Variants in TTC39B observed in about 807,000 individuals in gnomAD.
TTC39B encodes tetratricopeptide repeat protein 39B.
A neutral mutation model predicts 96.6 loss-of-function variants in TTC39B; 92 were observed. That is an observed-to-expected ratio of 0.95 (90% CI 0.80 to 1.13). The LOEUF is 1.13. TTC39B is among the 50% of genes most tolerant of loss of function. The pLI is 0.00. For synonymous variants in TTC39B, 367 were observed against 299.4 expected, an observed-to-expected ratio of 1.23 and a Z score of -2.33; for missense variants, 955 against 809.3, an observed-to-expected ratio of 1.18 and a Z score of -2.18.
chr9:15,287,877 C>T (rs1195384183), intron 1 of TTC39B, among the ~76,000 whole-genome samples: 1 of 131,726 alleles, frequency 7.6e-6, no homozygotes. Flanking sequence ...ACCCAGGAGG[C>T]GGAGCTTGCA....
At chr9:15,218,844 C>T (rs1285857628) in intron 3 of TTC39B, among the ~76,000 whole-genome samples, 1 of 152,020 alleles carries the variant, frequency 6.6e-6, no homozygotes, top group African/African-American at 2.4e-5. Flanking sequence ...AAATGTTTCC[C>T]ACAATATATT....
chr9:15,170,224 G>C (rs1241345585), exon 20 of TTC39B: 1 of 13,644 alleles, frequency 7.3e-5, no homozygotes, highest in Middle Eastern at 0.026. Flanking sequence ...CCTCAGTGTT[G>C]GTCAAGAATC....
intron 2 of TTC39B, among the ~76,000 whole-genome samples, chr9:15,227,003 T>C (rs1313424411): frequency 1.3e-5 from 2 of 152,288 alleles, no homozygotes; most frequent in Non-Finnish European, 2.9e-5. Context: ...TTTTTGTTTT[T>C]GTTTTTTAAT....
chr9:15,188,180 G>C (rs768231337), intron 13 of TTC39B, 48 bp from the exon 14 acceptor site: 2 of 1,509,548 alleles, frequency 1.3e-6, no homozygotes, highest in East Asian at 4.7e-5. Context: ...TAGACAAGGA[G>C]ATAATAACCT....
intron 6 of TTC39B, among the ~76,000 whole-genome samples, chr9:15,205,763 T>C (rs1819809581): frequency 6.6e-6 from 1 of 151,940 alleles, no homozygotes. Context: ...TGCTCAGGAA[T>C]ACAGATTGCT....
intron 8 of TTC39B, among the ~76,000 whole-genome samples, 172 bp downstream of exon 8, chr9:15,199,689 T>G (rs924186357): frequency 8.4e-6 from 1 of 119,160 alleles, no homozygotes; most frequent in South Asian, 3.0e-4. Flanking sequence ...GAGCCGAGAT[T>G]GCGCCACTGC....
chr9:15,214,010 A>T, intron 4 of TTC39B, 129 bp downstream of exon 4: 1 of 588,436 alleles, frequency 1.7e-6, no homozygotes. Flanking sequence ...ACCAAAGTAA[A>T]GAGGTCTGAA....
chr9:15,270,446 G>A (rs75254449), intron 1 of TTC39B, among the ~76,000 whole-genome samples: 3,979 of 152,084 alleles, frequency 0.026, 175 homozygotes, highest in African/African-American at 0.091. Context: ...CCACTCCTGG[G>A]AGCCTTCTGT....
chr9:15,169,778 A>G (rs1817594221), exon 20 of TTC39B: 1 of 152,236 alleles, frequency 6.6e-6, no homozygotes, highest in Non-Finnish European at 1.5e-5. Flanking sequence ...ATAAATAACA[A>G]AAAAGATTTT....
chr9:15,225,575 T>C (rs1361514094), intron 3 of TTC39B, among the ~76,000 whole-genome samples: 2 of 152,214 alleles, frequency 1.3e-5, no homozygotes. Context: ...TTGTTTCTCC[T>C]TTCCTCCATT....
chr9:15,225,972 C>G, exon 3 of TTC39B: 1 of 1,613,938 alleles, frequency 6.2e-7, no homozygotes. Context: ...TCACATGATG[C>G]AAAGTGAAGG....
rs1403541008 is a variant in TTC39B at position 15,267,953 on chromosome 9, G to C, written c.241-5C>G. On this transcript the variant is annotated splice_polypyrimidine_tract_variant and splice_region_variant and intron_variant, in intron 1 of 19. Transcript: ENST00000512701. ...CAAGGCATCTTCGAAAACGTCCTGGGGGAAATAAAAAATACAATGAGTTTC... is the reference window on the plus strand; with the variant it reads ...CAAGGCATCTTCGAAAACGTCCTGGCGGAAATAAAAAATACAATGAGTTTC... 6.2e-7 allele frequency: 1 copy of C among 1,609,462 alleles called. No individual in the cohort carries two copies. The highest frequency in any genetic ancestry group is 8.5e-7 in the Non-Finnish European group (1 of 1,178,792).
At chr9:15,197,634 GA>G (rs1306686743) in intron 8 of TTC39B, among the ~76,000 whole-genome samples, 11 of 150,926 alleles carry the variant, frequency 7.3e-5, no homozygotes, top group East Asian at 1.9e-4. Flanking sequence ...GAATGGGGCA[GA>G]AAAAAAAAGT....
chr9:15,274,929 T>C (rs34709411), intron 1 of TTC39B, among the ~76,000 whole-genome samples: 2 of 152,224 alleles, frequency 1.3e-5, no homozygotes, highest in African/African-American at 2.4e-5. Context: ...TTTTAAACAT[T>C]CATCAGTTGA....
At chr9:15,199,893 T>C (rs1415585309) in exon 8 of TTC39B, 4 of 1,544,712 alleles carry the variant, frequency 2.6e-6, no homozygotes, top group African/African-American at 2.7e-5. Context: ...TAATTTTGAG[T>C]CCACCTTTGA....
intron 2 of TTC39B, chr9:15,249,201 A>G (rs1822419130): frequency 6.6e-6 from 1 of 152,236 alleles, no homozygotes; most frequent in Non-Finnish European, 1.5e-5. Flanking sequence ...AAAGGGGGAA[A>G]ATGGGACACG....
intron 4 of TTC39B, among the ~76,000 whole-genome samples, chr9:15,213,496 C>G (rs978370283): frequency 2.6e-5 from 4 of 152,150 alleles, no homozygotes; most frequent in Non-Finnish European, 5.9e-5. Context: ...GGTAACCACT[C>G]AAAGTAAGGA....
At chr9:15,214,348 C>A (rs1787677) in intron 3 of TTC39B, 99 bp from the exon 4 acceptor site, 1 of 523,198 alleles carries the variant, frequency 1.9e-6, no homozygotes, top group East Asian at 4.5e-5. Context: ...GTGTGTGTGT[C>A]TGTGTGTGTG....
chr9:15,282,274 A>G (rs1823796155), intron 1 of TTC39B, among the ~76,000 whole-genome samples: 2 of 152,224 alleles, frequency 1.3e-5, no homozygotes, highest in Admixed American at 1.3e-4. Flanking sequence ...CAAAAAATGA[A>G]TTAAAAATTC....
Sources: allele counts gnomAD v4.1 joint callset (sites outside exome capture counted in the v4.1 genomes callset), GRCh38; gene constraint gnomAD v4.1.1; transcripts MANE v1.5; gene names NCBI Gene and HGNC (gene_info 2026-07-23, HGNC 2026-07-21).